SLC4A4: variants seen among roughly 807,000 people sequenced by gnomAD.
SLC4A4 encodes the protein electrogenic sodium bicarbonate cotransporter 1.
Under a neutral mutation model 111.5 loss-of-function variants are expected in SLC4A4, and 27 were observed. The ratio of observed to expected loss-of-function variants is 0.24; its 90% CI spans 0.18 to 0.33. The LOEUF (loss-of-function observed/expected upper bound fraction) is 0.33. Among genes scored for constraint, SLC4A4 ranks in the 10% least tolerant of loss-of-function variants. SLC4A4 has a pLI of 1.00. For synonymous variants in SLC4A4, 443 were observed against 463.4 expected, an observed-to-expected ratio of 0.96 and a Z score of 0.57; for missense variants, 909 against 1,315.5, an observed-to-expected ratio of 0.69 and a Z score of 4.78.
chr4:71,350,200 A>AT, intron 5 of SLC4A4, 128 bp downstream of exon 5: 1 of 918,266 alleles, frequency 1.1e-6, no homozygotes, highest in Non-Finnish European at 1.7e-6. Flanking sequence ...CTCTTTTTGC[A>AT]TTATAACATT....
chr4:71,373,203 G>C (rs1010765437), intron 6 of SLC4A4, among the ~76,000 whole-genome samples: 2 of 152,184 alleles, frequency 1.3e-5, no homozygotes, highest in African/African-American at 4.8e-5. Context: ...CAATCAGAGG[G>C]AAGGAGATAA....
intron 1 of SLC4A4, among the ~76,000 whole-genome samples, chr4:71,065,870 T>C (rs1368932964): frequency 6.6e-6 from 1 of 152,148 alleles, no homozygotes; most frequent in Non-Finnish European, 1.5e-5. Context: ...CAAAAGTAAC[T>C]GTGGTTTTTA....
intron 16 of SLC4A4, among the ~76,000 whole-genome samples, chr4:71,502,754 A>G (rs980665514): frequency 1.3e-4 from 20 of 152,162 alleles, no homozygotes; most frequent in Middle Eastern, 3.2e-3. Flanking sequence ...CTAGCATATG[A>G]TCTGTCCTGG....
intron 9 of SLC4A4, among the ~76,000 whole-genome samples, chr4:71,448,208 T>A (rs1333818179): frequency 6.6e-6 from 1 of 150,868 alleles, no homozygotes; most frequent in Non-Finnish European, 1.5e-5. Flanking sequence ...TAATCCCAGC[T>A]ACTCAGAAGG....
intron 2 of SLC4A4, among the ~76,000 whole-genome samples, chr4:71,136,989 C>G (rs1222751220): frequency 6.6e-6 from 1 of 152,166 alleles, no homozygotes; most frequent in Non-Finnish European, 1.5e-5. Flanking sequence ...AGAGGTACCT[C>G]TGTGTCCTGG....
At chr4:71,471,640 CAAAT>C (rs1219440264) in intron 13 of SLC4A4, among the ~76,000 whole-genome samples, 3 of 151,982 alleles carry the variant, frequency 2.0e-5, no homozygotes, top group East Asian at 1.9e-4. Flanking sequence ...TTTTTCGTCA[CAAAT>C]AAATAGAGTT....
At chr4:71,454,493 T>G (rs574672147) in intron 12 of SLC4A4, among the ~76,000 whole-genome samples, 9 of 152,296 alleles carry the variant, frequency 5.9e-5, no homozygotes, top group African/African-American at 2.2e-4. Flanking sequence ...CCTTCCACTT[T>G]ACTATATATT....
intron 24 of SLC4A4, among the ~76,000 whole-genome samples, chr4:71,565,148 G>A (rs1049799455): frequency 6.6e-6 from 1 of 151,872 alleles, no homozygotes; most frequent in African/African-American, 2.4e-5. Context: ...TCTACTTGGG[G>A]TACGCCCTAT....
At chr4:71,466,819 A>T (rs1476004233) in intron 13 of SLC4A4, among the ~76,000 whole-genome samples, 1 of 151,586 alleles carries the variant, frequency 6.6e-6, no homozygotes, top group Non-Finnish European at 1.5e-5. Context: ...TCTCTTTCCC[A>T]TTGTCCTGCC....
At chr4:71,191,016 G>C (rs1004686487) in intron 1 of SLC4A4, among the ~76,000 whole-genome samples, 1 of 152,142 alleles carries the variant, frequency 6.6e-6, no homozygotes, top group African/African-American at 2.4e-5. Context: ...TTCACTTTCA[G>C]TACAGTATTC....
At chr4:71,396,085 A>C (rs1185362632) in intron 6 of SLC4A4, among the ~76,000 whole-genome samples, 2 of 152,218 alleles carry the variant, frequency 1.3e-5, no homozygotes, top group Admixed American at 6.5e-5. Context: ...TTGAGTGGAC[A>C]CTAGAAATCT....
At chr4:71,302,481 T>A (rs550964117) in intron 3 of SLC4A4, among the ~76,000 whole-genome samples, 1 of 152,214 alleles carries the variant, frequency 6.6e-6, no homozygotes, top group Non-Finnish European at 1.5e-5. Flanking sequence ...CCCTTATCAA[T>A]GAAAATTACC....
chr4:71,235,865 A>G (rs907925164), intron 1 of SLC4A4, among the ~76,000 whole-genome samples: 1 of 152,200 alleles, frequency 6.6e-6, no homozygotes, highest in Non-Finnish European at 1.5e-5. Context: ...ATATACATAG[A>G]GAAAGATGTG....
At chr4:71,113,049 C>T (rs1009357339) in intron 2 of SLC4A4, among the ~76,000 whole-genome samples, 2 of 152,040 alleles carry the variant, frequency 1.3e-5, no homozygotes, top group South Asian at 2.1e-4. Context: ...CTGTAAAGTG[C>T]GAGGGTGAAT....
At chr4:71,195,618 T>G (rs1745962692) in intron 1 of SLC4A4, among the ~76,000 whole-genome samples, 8 of 152,216 alleles carry the variant, frequency 5.3e-5, no homozygotes, top group Admixed American at 5.2e-4. Flanking sequence ...GTGATTTCAT[T>G]CCTTTGAGAA....
intron 2 of SLC4A4, among the ~76,000 whole-genome samples, chr4:71,176,989 A>G (rs1322045972): frequency 1.3e-5 from 2 of 152,202 alleles, no homozygotes; most frequent in African/African-American, 2.4e-5. Context: ...CTTGGCAGAA[A>G]CTCTACAAGC....
chr4:71,115,873 C>A (rs1296319945), intron 2 of SLC4A4, among the ~76,000 whole-genome samples: 1 of 152,042 alleles, frequency 6.6e-6, no homozygotes, highest in African/African-American at 2.4e-5. Flanking sequence ...AAGTATTTAA[C>A]ATATATTCTT....
chr4:71,387,593 C>G (rs534245304), intron 6 of SLC4A4, among the ~76,000 whole-genome samples: 1 of 152,188 alleles, frequency 6.6e-6, no homozygotes, highest in African/African-American at 2.4e-5. Flanking sequence ...CTCCTGGGTT[C>G]AAGTGATTCT....
chr4:71,205,994 CT>C (rs1717739912), intron 1 of SLC4A4, among the ~76,000 whole-genome samples: 1 of 152,160 alleles, frequency 6.6e-6, no homozygotes, highest in African/African-American at 2.4e-5. Context: ...AACATGAGTG[CT>C]TTGATAGCCT....
Sources: gnomAD v4.1 joint callset for allele counts (sites outside exome capture counted in the v4.1 genomes callset) on GRCh38, gnomAD v4.1.1 for gene constraint, MANE v1.5 for transcripts, NCBI Gene and HGNC (gene_info 2026-07-23, HGNC 2026-07-21) for gene names.